The following EYS variants were observed in gnomAD, a reference collection of about 807,000 sequenced individuals.
EYS encodes the protein protein eyes shut homolog.
A neutral mutation model predicts 282.1 loss-of-function variants in EYS; 250 were observed. That is an observed-to-expected ratio of 0.89 (90% CI 0.80 to 0.98). EYS has a LOEUF of 0.98. Ranked by LOEUF, EYS falls within the 50% of genes least tolerant of loss-of-function variation. EYS has a pLI of 0.00. For synonymous variants in EYS, 1,355 were observed against 1,282.9 expected, an observed-to-expected ratio of 1.06 and a Z score of -1.20; for missense variants, 4,016 against 3,709.0, an observed-to-expected ratio of 1.08 and a Z score of -2.15.
intron 21 of EYS, among the ~76,000 whole-genome samples, chr6:64,817,132 G>T (rs560677721): frequency 6.6e-6 from 1 of 151,884 alleles, no homozygotes; most frequent in African/African-American, 2.4e-5. Flanking sequence ...ATAATTTGTA[G>T]GAAAAAGCTG....
In EYS at chr6:65,399,035, G is replaced by A. The variant is rs1165437156; in HGVS notation, c.1184+3443C>T. ...GATCTGATCCTTAATTACCACCATC[G>A]CGAGTCATCTTGATGGCAGTGTCAG... On this transcript the variant is annotated intron_variant, in intron 7 of 42. Transcript: ENST00000503581. 5.9e-5 allele frequency among the ~76,000 whole-genome samples: 9 copies of A among 151,880 alleles called. 1 individual carries two copies. Among genetic ancestry groups the A allele is most frequent in the East Asian group, 1.9e-4 (1 of 5,184 alleles).
chr6:64,446,696 A>C (rs1775128371), intron 26 of EYS, among the ~76,000 whole-genome samples: 1 of 152,086 alleles, frequency 6.6e-6, no homozygotes, highest in Non-Finnish European at 1.5e-5. Flanking sequence ...ATAATTGAAT[A>C]CTAGGATTTT....
intron 11 of EYS, chr6:65,302,395 AT>A (rs1310682267): frequency 1.5e-6 from 1 of 664,786 alleles, no homozygotes; most frequent in East Asian, 2.7e-5. Context: ...TTTAAAGACA[AT>A]TTCTGTGATC....
chr6:64,799,688 T>C (rs1774476460), intron 22 of EYS, among the ~76,000 whole-genome samples: 1 of 149,914 alleles, frequency 6.7e-6, no homozygotes, highest in African/African-American at 2.4e-5. Context: ...AGTACATATA[T>C]AATTAATACA....
intron 22 of EYS, among the ~76,000 whole-genome samples, chr6:64,700,878 T>G (rs1477366228): frequency 6.6e-6 from 1 of 152,060 alleles, no homozygotes; most frequent in Admixed American, 6.6e-5. Context: ...ATTCTAAAAT[T>G]CATATGGAAC....
rs116669801 is a variant in EYS at position 64,033,356 on chromosome 6, A to G, written c.6725+32982T>C. On this transcript the variant is annotated intron_variant, in intron 33 of 42. Coordinates refer to ENST00000503581, the MANE Select transcript of EYS (RefSeq NM_001142800.2). ...TAGCTATTAAATGTGGTTTTCTGGT[A>G]AATTCTGAAAAGACTTTTTCAAGAG... is the stretch of plus-strand genomic sequence containing the variant. Among the ~76,000 whole-genome samples, 724 of 152,334 alleles carry G rather than the reference A, an allele frequency of 4.8e-3. 4 individuals carry two copies. The highest frequency in any genetic ancestry group is 0.016 in the African/African-American group (684 of 41,580).
intron 13 of EYS, among the ~76,000 whole-genome samples, chr6:65,056,146 T>G (rs913246481): frequency 6.6e-6 from 1 of 152,082 alleles, no homozygotes; most frequent in African/African-American, 2.4e-5. Context: ...TTCCTTTATT[T>G]TGGTGCTCAA....
intron 12 of EYS, among the ~76,000 whole-genome samples, chr6:65,112,455 T>A (rs1561971906): frequency 6.6e-6 from 1 of 152,092 alleles, no homozygotes; most frequent in African/African-American, 2.4e-5. Context: ...ACTATGAGAA[T>A]GTTAAAAATA....
chr6:64,673,766 C>T (rs968512560), intron 22 of EYS, among the ~76,000 whole-genome samples: 6 of 152,002 alleles, frequency 3.9e-5, no homozygotes, highest in African/African-American at 1.4e-4. Flanking sequence ...TACCTACAGA[C>T]AACTAAACCA....
intron 26 of EYS, among the ~76,000 whole-genome samples, chr6:64,582,939 C>A (rs1178649948): frequency 6.6e-6 from 1 of 152,118 alleles, no homozygotes; most frequent in Non-Finnish European, 1.5e-5. Flanking sequence ...TGGGTTTCAG[C>A]AGATACAGTT....
At chr6:63,874,446 TCTTTTGG>T (rs1286679902) in intron 35 of EYS, among the ~76,000 whole-genome samples, 7 of 152,196 alleles carry the variant, frequency 4.6e-5, no homozygotes, top group Non-Finnish European at 7.3e-5. Flanking sequence ...ACAGCTTTGT[TCTTTTGG>T]CTTAGGATTG....
At chr6:65,643,287 G>A (rs1767340959) in intron 1 of EYS, among the ~76,000 whole-genome samples, 1 of 152,132 alleles carries the variant, frequency 6.6e-6, no homozygotes. Flanking sequence ...TTGGTGACCT[G>A]TACGACTCAG....
intron 8 of EYS, among the ~76,000 whole-genome samples, chr6:65,363,675 T>C (rs1422600763): frequency 6.6e-6 from 1 of 151,962 alleles, no homozygotes; most frequent in Non-Finnish European, 1.5e-5. Context: ...ACTCTTTTAA[T>C]ACAAGTCAAG....
At chr6:65,060,125 T>A (rs964132081) in intron 12 of EYS, among the ~76,000 whole-genome samples, 1 of 151,930 alleles carries the variant, frequency 6.6e-6, no homozygotes, top group African/African-American at 2.4e-5. Flanking sequence ...CCACCCCTCA[T>A]CCGTATTTCC....
chr6:63,752,770 C>A (rs1422331678), intron 41 of EYS, among the ~76,000 whole-genome samples: 1 of 152,094 alleles, frequency 6.6e-6, no homozygotes, highest in Non-Finnish European at 1.5e-5. Flanking sequence ...GCTGGGATTA[C>A]AGGTGTGAGC....
intron 35 of EYS, among the ~76,000 whole-genome samples, chr6:63,918,203 T>G (rs1436714514): frequency 6.6e-6 from 1 of 152,240 alleles, no homozygotes; most frequent in Non-Finnish European, 1.5e-5. Flanking sequence ...ATGCCATCCT[T>G]TGTAATCTGA....
At chr6:65,038,271 C>T (rs1274406696) in intron 13 of EYS, among the ~76,000 whole-genome samples, 1 of 151,470 alleles carries the variant, frequency 6.6e-6, no homozygotes, top group African/African-American at 2.4e-5. Flanking sequence ...CTGTCCCCTT[C>T]CCAATCAACA....
chr6:64,790,441 G>GA (rs569751794), intron 22 of EYS, among the ~76,000 whole-genome samples: 22 of 150,862 alleles, frequency 1.5e-4, no homozygotes, highest in African/African-American at 4.1e-4. Context: ...CATAAGACAA[G>GA]AAAAAAAATG....
At chr6:64,516,678 A>G (rs1178603091) in intron 26 of EYS, among the ~76,000 whole-genome samples, 1 of 151,766 alleles carries the variant, frequency 6.6e-6, no homozygotes, top group Admixed American at 6.6e-5. Flanking sequence ...CTGTTACAGT[A>G]GAGCACTGAG....
Sources: gnomAD v4.1 joint callset for allele counts (sites outside exome capture counted in the v4.1 genomes callset) on GRCh38, gnomAD v4.1.1 for gene constraint, MANE v1.5 for transcripts, NCBI Gene and HGNC (gene_info 2026-07-23, HGNC 2026-07-21) for gene names.